The following CFAP58 variants were observed in gnomAD, a reference collection of about 807,000 sequenced individuals.
The protein encoded by CFAP58 is cilia and flagella associated protein 58, also known as cilia- and flagella-associated protein 58.
CFAP58 carries 88 observed loss-of-function variants against 119.5 expected under a neutral mutation model. The observed-to-expected ratio is 0.74, with a 90% confidence interval of 0.62 to 0.88. The LOEUF is 0.88. Ranked by LOEUF, CFAP58 falls within the 40% of genes least tolerant of loss-of-function variation. The pLI is 0.00. For synonymous variants in CFAP58, 365 were observed against 366.3 expected (o/e 1.00, Z 0.04); for missense variants, 990 against 1,021.2 (o/e 0.97, Z 0.42).
At chr10:104,402,844 G>A (rs2012289701) in intron 13 of CFAP58, among the ~76,000 whole-genome samples, 1 of 152,122 alleles carries the variant, frequency 6.6e-6, no homozygotes, top group South Asian at 2.1e-4. Flanking sequence ...GTAAGGATTG[G>A]GTCCAGGAGA....
At chr10:104,433,893 A>G (rs774022653) in intron 15 of CFAP58, among the ~76,000 whole-genome samples, 8 of 152,146 alleles carry the variant, frequency 5.3e-5, no homozygotes, top group African/African-American at 1.9e-4. Context: ...GTCATTGTCA[A>G]TGTACAGTTA....
rs139505804 is a variant in CFAP58 at position 104,380,156 on chromosome 10, T to C, written c.1301T>C (p.Ile434Thr). The C allele has an allele frequency of 8.7e-5, 141 of 1,613,928 alleles. No individual in the cohort carries two copies. The highest frequency in any genetic ancestry group is 1.6e-4 in the Middle Eastern group (1 of 6,082). ...YKDEAQKQRK[I>T]IFHLEKERDR... Reference sequence around the variant, plus strand: ...GATGAGGCTCAGAAGCAGAGAAAGATCATCTTTCATCTGGAAAAGGAGCGT... The same window carrying C: ...GATGAGGCTCAGAAGCAGAGAAAGACCATCTTTCATCTGGAAAAGGAGCGT... Residue 434 changes from isoleucine (I) to threonine (T), a missense_variant, in exon 9 of 18, where the codon ATC becomes ACC. Ile to Thr is a moderately conservative substitution (Grantham distance 89). Coordinates refer to ENST00000369704, the MANE Select transcript of CFAP58 (RefSeq NM_001008723.2).
At chr10:104,350,006 G>A (rs1354219950), upstream of CFAP58, among the ~76,000 whole-genome samples, 1 of 152,142 alleles carries the variant, frequency 6.6e-6, no homozygotes, top group Non-Finnish European at 1.5e-5. Context: ...AGTCGAAAGG[G>A]CCAGATTACA....
At chr10:104,440,485 G>C (rs374733859) in intron 15 of CFAP58, among the ~76,000 whole-genome samples, 1 of 152,114 alleles carries the variant, frequency 6.6e-6, no homozygotes, top group Admixed American at 6.6e-5. Context: ...CAATGATCTA[G>C]CTTCAAGGAT....
At chr10:104,435,293 C>T (rs1432416720) in intron 15 of CFAP58, among the ~76,000 whole-genome samples, 1 of 152,208 alleles carries the variant, frequency 6.6e-6, no homozygotes, top group Admixed American at 6.5e-5. Context: ...ACCAGCCTGG[C>T]CAGCATGGCA....
At chr10:104,421,975 C>T (rs1401483314) in intron 15 of CFAP58, among the ~76,000 whole-genome samples, 1 of 152,088 alleles carries the variant, frequency 6.6e-6, no homozygotes, top group Non-Finnish European at 1.5e-5. Context: ...CACCTGAGGT[C>T]AGGAGTTTGA....
intron 15 of CFAP58, among the ~76,000 whole-genome samples, chr10:104,434,682 A>G (rs2012902254): frequency 6.6e-6 from 1 of 152,212 alleles, no homozygotes; most frequent in African/African-American, 2.4e-5. Flanking sequence ...AGCATTTGGG[A>G]AGTGATAGAC....
intron 8 of CFAP58, among the ~76,000 whole-genome samples, chr10:104,378,913 T>TA (rs35459140): frequency 0.013 from 1,826 of 140,398 alleles, 25 homozygotes; most frequent in South Asian, 0.038. Flanking sequence ...CAGTGCAGCT[T>TA]AAAAAAAAAA....
chr10:104,387,123 C>A (rs1487769619), intron 9 of CFAP58, among the ~76,000 whole-genome samples: 3 of 152,316 alleles, frequency 2.0e-5, no homozygotes, highest in Non-Finnish European at 1.5e-5. Flanking sequence ...GAATCCCAAA[C>A]CTTTTCCTAT....
chr10:104,376,102 C>A (rs1187752385), intron 7 of CFAP58, among the ~76,000 whole-genome samples: 1 of 152,124 alleles, frequency 6.6e-6, no homozygotes, highest in Non-Finnish European at 1.5e-5. Flanking sequence ...CCACAAGAGA[C>A]TTCGCAGGGC....
chr10:104,373,691 A>T (rs987331911), intron 7 of CFAP58, among the ~76,000 whole-genome samples: 1 of 152,180 alleles, frequency 6.6e-6, no homozygotes, highest in African/African-American at 2.4e-5. Flanking sequence ...TCAAAAATTG[A>T]TTCTAGAGTT....
At position 104,357,955 on chromosome 10, in the gene CFAP58, A is replaced by G. The variant is rs561253857; in HGVS notation, c.10-386A>G. 3.7e-4 allele frequency among the ~76,000 whole-genome samples: 41 copies of G among 112,220 alleles called. 1 individual carries two copies. Among genetic ancestry groups the G allele is most frequent in the African/African-American group, 1.7e-3 (36 of 21,432 alleles). 73.6% of individuals were successfully genotyped at this position (112,220 alleles called of 152,430 possible). ...TACACACATATATGTACACATATAT[A>G]CACATATATGTACACATATGTACAT... On this transcript the variant is annotated intron_variant, in intron 1 of 17. Transcript: ENST00000369704.
chr10:104,446,778 T>C (rs548310457), intron 15 of CFAP58, among the ~76,000 whole-genome samples: 2 of 152,230 alleles, frequency 1.3e-5, no homozygotes, highest in Non-Finnish European at 2.9e-5. Flanking sequence ...TGCTTATATG[T>C]AATTTCTTTA....
chr10:104,357,771 GTATA>G (rs1017689545), intron 1 of CFAP58, among the ~76,000 whole-genome samples: 9 of 149,908 alleles, frequency 6.0e-5, no homozygotes, highest in Non-Finnish European at 5.9e-5. Context: ...GTGTATGTGT[GTATA>G]TATGTGTGTT....
At chr10:104,412,268 T>C (rs1257881863) in intron 15 of CFAP58, among the ~76,000 whole-genome samples, 1 of 152,168 alleles carries the variant, frequency 6.6e-6, no homozygotes, top group Non-Finnish European at 1.5e-5. Context: ...ATTGTGTTAG[T>C]TCACATAAAA....
Position 104,455,063 on chromosome 10 carries a change from A to G in CFAP58, c.*533A>G, listed in dbSNP as rs1218574459. The G allele has an allele frequency of 6.6e-6, 1 of 152,238 alleles. No homozygotes were observed. Among genetic ancestry groups the G allele is most frequent in the Non-Finnish European group, 1.5e-5 (1 of 68,058 alleles). The allele number at this position is 152,238 out of a possible 1,614,324, so 9.4% of individuals were successfully genotyped here. ...CTATTCCAAAGAGACACACTAATAA[A>G]TACTTCATTATAAAAAATAAAAAAG... On this transcript the variant is annotated 3_prime_UTR_variant, in exon 18 of 18. Transcript: ENST00000369704.
chr10:104,435,314 T>C (rs911251257), intron 15 of CFAP58, among the ~76,000 whole-genome samples: 73 of 152,328 alleles, frequency 4.8e-4, no homozygotes, highest in African/African-American at 1.7e-3. Flanking sequence ...AAACCCCATC[T>C]CTACCAAAAA....
Position 104,447,836 on chromosome 10 carries a change from T to G in CFAP58, c.2376+19T>G. 1 of 1,590,506 alleles carries G rather than the reference T, an allele frequency of 6.3e-7. No homozygotes were observed. Among genetic ancestry groups the G allele is most frequent in the East Asian group, 2.3e-5 (1 of 44,018 alleles). ...GCTGAAAGTAAGTGGTAGCCCCTGT[T>G]CCTTCCGGGTTCCAGGGCAGCCACA... On this transcript the variant is annotated intron_variant, in intron 16 of 17. Coordinates refer to ENST00000369704, the MANE Select transcript of CFAP58 (RefSeq NM_001008723.2).
intron 15 of CFAP58, among the ~76,000 whole-genome samples, chr10:104,432,048 A>G (rs2012855830): frequency 6.6e-6 from 1 of 152,202 alleles, no homozygotes; most frequent in Non-Finnish European, 1.5e-5. Context: ...TTTCCTGTAC[A>G]CATACATGAG....
Sources: allele counts gnomAD v4.1 joint callset (sites outside exome capture counted in the v4.1 genomes callset), GRCh38; gene constraint gnomAD v4.1.1; transcripts MANE v1.5; gene names NCBI Gene and HGNC (gene_info 2026-07-23, HGNC 2026-07-21).